Variants in NEDD4L observed in about 807,000 individuals in gnomAD.
NEDD4L encodes NEDD4 like E3 ubiquitin protein ligase.
NEDD4L carries 54 observed loss-of-function variants against 148.9 expected under a neutral mutation model. The observed-to-expected ratio is 0.36, with a 90% CI of 0.29 to 0.45. The LOEUF (loss-of-function observed/expected upper bound fraction) is 0.45. NEDD4L is among the 20% of genes least tolerant of loss of function. The pLI is 1.00. For synonymous variants in NEDD4L, 433 were observed against 440.7 expected (o/e 0.98, Z 0.22); for missense variants, 856 against 1,233.8 (o/e 0.69, Z 4.59).
intron 7 of NEDD4L, 85 bp from the exon 8 acceptor site, chr18:58,323,147 G>T (rs2058998889): frequency 1.2e-5 from 9 of 779,082 alleles, no homozygotes; most frequent in Non-Finnish European, 1.8e-5. Flanking sequence ...TGCGTGCTGT[G>T]GTGGTTGGCT....
intron 2 of NEDD4L, among the ~76,000 whole-genome samples, chr18:58,203,903 A>G (rs1042385870): frequency 6.6e-6 from 1 of 152,206 alleles, no homozygotes; most frequent in Non-Finnish European, 1.5e-5. Context: ...GATTTATACT[A>G]ATCTTATCAC....
At position 58,140,986 on chromosome 18, in the gene NEDD4L, C is replaced by T. The variant is rs532187802; in HGVS notation, c.49-24802C>T. Among the ~76,000 whole-genome samples the T allele has an allele frequency of 2.6e-5, 4 of 152,322 alleles. No homozygotes were observed. The South Asian group carries it at 6.2e-4, about 24-fold the overall frequency. ...TGGTGGGGTTTTGTGAGTTGACAGACGTGGGTTTGAGACCCAGCTCTCCAG... is the reference window on the plus strand; with the variant it reads ...TGGTGGGGTTTTGTGAGTTGACAGATGTGGGTTTGAGACCCAGCTCTCCAG... On this transcript the variant is annotated intron_variant, in intron 1 of 30. Coordinates refer to ENST00000400345, the MANE Select transcript of NEDD4L (RefSeq NM_001144967.3).
At position 58,357,079 on chromosome 18, in the gene NEDD4L, G is replaced by T. The variant is rs1355644579; in HGVS notation, c.1709-115G>T. 44 of 884,918 alleles carry T rather than the reference G, an allele frequency of 5.0e-5. No homozygotes were observed. In the African/African-American group the frequency reaches 5.9e-4, roughly 12 times the overall value. The allele number at this position is 884,918 out of a possible 1,614,324, so 54.8% of individuals were successfully genotyped here. On this transcript the variant is annotated intron_variant, in intron 18 of 30. Coordinates refer to ENST00000400345, the MANE Select transcript of NEDD4L (RefSeq NM_001144967.3). Reference sequence around the variant, plus strand: ...CTAATTTGTCTTTAGAACACAGGGTGGGGGACTGGACAGCTTTTGAAGAAT... The same window carrying T: ...CTAATTTGTCTTTAGAACACAGGGTTGGGGACTGGACAGCTTTTGAAGAAT...
chr18:58,109,798 G>A (rs1458943555), intron 1 of NEDD4L, among the ~76,000 whole-genome samples: 2 of 152,066 alleles, frequency 1.3e-5, no homozygotes, highest in Non-Finnish European at 2.9e-5. Context: ...TCTAACTCCT[G>A]ACCTCGTGAC....
At chr18:58,088,882 G>GA (rs1181614014) in intron 1 of NEDD4L, among the ~76,000 whole-genome samples, 2 of 151,890 alleles carry the variant, frequency 1.3e-5, no homozygotes, top group Non-Finnish European at 2.9e-5. Context: ...TTACTTGTGG[G>GA]AAAAAAAGCC....
intron 1 of NEDD4L, among the ~76,000 whole-genome samples, chr18:58,158,467 C>T (rs189082918): frequency 9.2e-5 from 14 of 152,352 alleles, no homozygotes; most frequent in Non-Finnish European, 1.8e-4. Flanking sequence ...GGTAGAGTCA[C>T]CTTGAGCATT....
chr18:58,383,981 A>G (rs2048683744), intron 25 of NEDD4L, among the ~76,000 whole-genome samples: 1 of 152,172 alleles, frequency 6.6e-6, no homozygotes, highest in Non-Finnish European at 1.5e-5. Context: ...TCTTCCAAGG[A>G]GATCCCCTGG....
At chr18:58,390,766 A>G (rs2049706449) in intron 29 of NEDD4L, 24 bp downstream of exon 29, 1 of 1,518,238 alleles carries the variant, frequency 6.6e-7, no homozygotes, top group Non-Finnish European at 9.0e-7. Flanking sequence ...CATTGGATTC[A>G]GTTGTCCTCC....
chr18:58,096,289 C>G (rs2084386283), intron 1 of NEDD4L, among the ~76,000 whole-genome samples: 1 of 151,772 alleles, frequency 6.6e-6, no homozygotes, highest in African/African-American at 2.4e-5. Flanking sequence ...AAAAGGCATT[C>G]TGTGGTCATC....
At chr18:58,370,824 TC>T (rs576534035) in intron 23 of NEDD4L, among the ~76,000 whole-genome samples, 6 of 152,132 alleles carry the variant, frequency 3.9e-5, no homozygotes, top group Non-Finnish European at 5.9e-5. Context: ...TCATCCGCTC[TC>T]CCTCTGTTTC....
At chr18:58,149,174 C>G (rs1405294458) in intron 1 of NEDD4L, among the ~76,000 whole-genome samples, 2 of 152,178 alleles carry the variant, frequency 1.3e-5, no homozygotes, top group African/African-American at 2.4e-5. Context: ...GTGGAGGGCC[C>G]TGGACACCTG....
chr18:58,315,100 C>T lies in NEDD4L; in HGVS notation c.298-882C>T, dbSNP rs145492108. On this transcript the variant is annotated intron_variant, in intron 5 of 30. Coordinates refer to ENST00000400345, the MANE Select transcript of NEDD4L (RefSeq NM_001144967.3). ...TATCTAAAGAACTGCCCAGCTTTTA[C>T]GCATTTTGAATGTGGTGGAACCAGC... is the stretch of plus-strand genomic sequence containing the variant. 2.4e-4 allele frequency among the ~76,000 whole-genome samples: 37 copies of T among 152,248 alleles called. No homozygotes were observed. The East Asian group carries it at 6.8e-3, about 28-fold the overall frequency.
chr18:58,388,774 T>C, intron 27 of NEDD4L: 1 of 337,996 alleles, frequency 3.0e-6, no homozygotes, highest in Non-Finnish European at 5.7e-6. Context: ...TGCTGGAGCG[T>C]GAGAGAATCC....
rs2048899047 is a variant in NEDD4L, at chr18:58,385,526, C to G, written c.2427C>G (p.Asp809Glu). ...AATATTGTCCTCTTTTCTCCTGCAGCTTAGTCATCCAGTGGAGATTTGTGA... is the reference window on the plus strand; with the variant it reads ...AATATTGTCCTCTTTTCTCCTGCAGGTTAGTCATCCAGTGGAGATTTGTGA... ...VTNENKREYI[D>E]LVIQWRFVNR... Residue 809 changes from aspartate to glutamate, a missense_variant and splice_region_variant, in exon 26 of 31, where the codon GAC becomes GAG. This residue lies in a region of NEDD4L where 286 missense variants were observed against 531.8 expected (regional missense o/e 0.54). Transcript: ENST00000400345. 3 of 1,613,054 alleles carry G rather than the reference C, an allele frequency of 1.9e-6. No individual in the cohort carries two copies. Among genetic ancestry groups the G allele is most frequent in the Non-Finnish European group, 1.7e-6 (2 of 1,179,016 alleles).
intron 24 of NEDD4L, among the ~76,000 whole-genome samples, chr18:58,375,760 A>C (rs1457589071): frequency 6.6e-6 from 1 of 152,132 alleles, no homozygotes; most frequent in East Asian, 1.9e-4. Context: ...GCCAGTGCTC[A>C]TTGAGCAAAC....
At chr18:58,210,041 C>T (rs1217540172) in intron 2 of NEDD4L, among the ~76,000 whole-genome samples, 1 of 152,096 alleles carries the variant, frequency 6.6e-6, no homozygotes, top group African/African-American at 2.4e-5. Context: ...GTGGCTTATG[C>T]CTGTAATCTC....
intron 1 of NEDD4L, among the ~76,000 whole-genome samples, chr18:58,153,070 G>T (rs554482668): frequency 6.6e-6 from 1 of 152,310 alleles, no homozygotes; most frequent in South Asian, 2.1e-4. Flanking sequence ...TGGCTTTGAT[G>T]TTCAGACACC....
rs2050662233 is a variant in NEDD4L, at chr18:58,398,931, C to G, written c.*2662C>G. The G allele has an allele frequency of 6.6e-6, 1 of 152,236 alleles. No individual in the cohort carries two copies. The allele number at this position is 152,236 out of a possible 1,614,324, so 9.4% of individuals were successfully genotyped here. On this transcript the variant is annotated 3_prime_UTR_variant, in exon 31 of 31. Coordinates refer to ENST00000400345, the MANE Select transcript of NEDD4L (RefSeq NM_001144967.3). ...GCAGTGTTGCCTATCCCAGAGGTCC[C>G]AGCAGTCACACTGCTCTGCAGGCCG...
intron 2 of NEDD4L, chr18:58,189,758 G>A (rs1031923419): frequency 3.3e-5 from 5 of 152,160 alleles, no homozygotes; most frequent in Admixed American, 6.6e-5. Flanking sequence ...AGTGAAGCCC[G>A]TGACCCACAG....
Sources: allele counts gnomAD v4.1 joint callset (sites outside exome capture counted in the v4.1 genomes callset), GRCh38; gene constraint gnomAD v4.1.1; regional missense constraint gnomAD v4.1.1; transcripts MANE v1.5; gene names NCBI Gene and HGNC (gene_info 2026-07-23, HGNC 2026-07-21).